ADAMTSL3: variants seen among roughly 807,000 people sequenced by gnomAD.
ADAMTSL3 encodes the protein ADAMTS like 3.
ADAMTSL3 carries 128 observed loss-of-function variants against 201.7 expected under a neutral mutation model. The observed-to-expected ratio is 0.63, with a 90% CI of 0.55 to 0.73. ADAMTSL3 has a LOEUF of 0.73. ADAMTSL3 is among the 30% of genes least tolerant of loss of function. The probability of loss-of-function intolerance (pLI) is 0.00; values close to 1 mark genes in which losing one functional copy is unlikely to be tolerated. For missense variants in ADAMTSL3, 1,990 were observed against 2,119.6 expected, an observed-to-expected ratio of 0.94 and a Z score of 1.20; for synonymous variants, 738 against 748.4, an observed-to-expected ratio of 0.99 and a Z score of 0.23.
chr15:84,027,760 C>T (rs148337327), intron 27 of ADAMTSL3, among the ~76,000 whole-genome samples: 459 of 152,048 alleles, frequency 3.0e-3, no homozygotes, highest in Non-Finnish European at 5.1e-3. Context: ...AAAACTTGTA[C>T]ATGAATATTT....
chr15:83,778,316 G>A (rs1047035637), intron 4 of ADAMTSL3, among the ~76,000 whole-genome samples: 1 of 152,086 alleles, frequency 6.6e-6, no homozygotes, highest in Non-Finnish European at 1.5e-5. Flanking sequence ...CATCCCAAGA[G>A]ACATAGCCAT....
At chr15:83,773,771 T>C in intron 4 of ADAMTSL3, 121 bp downstream of exon 4, 2 of 1,326,400 alleles carry the variant, frequency 1.5e-6, no homozygotes, top group Non-Finnish European at 2.0e-6. Flanking sequence ...AACGTTTGCT[T>C]TGTCTAAATA....
At chr15:83,836,333 T>C (rs565972124) in intron 6 of ADAMTSL3, among the ~76,000 whole-genome samples, 54 of 152,334 alleles carry the variant, frequency 3.5e-4, no homozygotes, top group African/African-American at 1.3e-3. Context: ...TTTGGAAATA[T>C]ACAGAACAAA....
intron 20 of ADAMTSL3, among the ~76,000 whole-genome samples, chr15:83,977,211 T>C (rs1395922659): frequency 6.6e-6 from 1 of 152,104 alleles, no homozygotes. Flanking sequence ...TGCCTGATGA[T>C]CTGAGGTGGA....
intron 3 of ADAMTSL3, among the ~76,000 whole-genome samples, chr15:83,746,529 A>C (rs904895550): frequency 5.9e-5 from 9 of 152,278 alleles, no homozygotes; most frequent in African/African-American, 2.2e-4. Context: ...CAAAATCACC[A>C]GCTCTTGAAT....
At chr15:83,837,989 G>A in intron 6 of ADAMTSL3, 100 bp from the exon 7 acceptor site, 4 of 1,448,680 alleles carry the variant, frequency 2.8e-6, no homozygotes, top group Non-Finnish European at 3.7e-6. Context: ...GAGCCAAACT[G>A]TAAAGTTAAG....
chr15:83,849,140 GTT>G (rs767075541), intron 7 of ADAMTSL3, among the ~76,000 whole-genome samples: 18 of 152,074 alleles, frequency 1.2e-4, no homozygotes, highest in Non-Finnish European at 2.2e-4. Flanking sequence ...CATCTTATAT[GTT>G]TTCTTTTTTA....
intron 16 of ADAMTSL3, among the ~76,000 whole-genome samples, chr15:83,913,610 C>T (rs956339269): frequency 2.0e-5 from 3 of 151,330 alleles, no homozygotes; most frequent in African/African-American, 7.3e-5. Context: ...TATTTGTTTG[C>T]CTGAGAATCT....
Position 83,970,582 on chromosome 15 carries a change from C to T in ADAMTSL3, c.2589C>T (p.Cys863=). Residue 863 remains cysteine (C), a synonymous_variant, in exon 20 of 30, where the codon TGC becomes TGT. Transcript: ENST00000286744. ...GRRIPLSEMM[C]RDLPGLPLVR... Reference sequence around the variant, plus strand: ...GCATCCCCCTCAGTGAGATGATGTGCAGGGATCTACCAGGGCTCCCTCTTG... The same window carrying T: ...GCATCCCCCTCAGTGAGATGATGTGTAGGGATCTACCAGGGCTCCCTCTTG... 1 of 1,614,202 alleles carries T rather than the reference C, an allele frequency of 6.2e-7. No homozygotes were observed. The highest frequency in any genetic ancestry group is 1.1e-5 in the South Asian group (1 of 91,084).
At chr15:83,932,779 A>G (rs1040543619) in intron 17 of ADAMTSL3, among the ~76,000 whole-genome samples, 48 of 152,230 alleles carry the variant, frequency 3.2e-4, no homozygotes, top group African/African-American at 1.1e-3. Context: ...TCCCACAAAG[A>G]CATAATGAGC....
At chr15:83,952,750 G>T (rs2066780357) in intron 19 of ADAMTSL3, among the ~76,000 whole-genome samples, 1 of 150,278 alleles carries the variant, frequency 6.7e-6, no homozygotes, top group African/African-American at 2.5e-5. Flanking sequence ...TGGTTGTAGT[G>T]AGCCAAGATC....
intron 9 of ADAMTSL3, among the ~76,000 whole-genome samples, chr15:83,875,538 A>G (rs1451255586): frequency 6.6e-6 from 1 of 152,194 alleles, no homozygotes; most frequent in African/African-American, 2.4e-5. Context: ...TAATACCAGC[A>G]CTTTGGGAGG....
intron 3 of ADAMTSL3, among the ~76,000 whole-genome samples, chr15:83,723,755 A>C (rs898236876): frequency 3.9e-5 from 6 of 152,140 alleles, no homozygotes; most frequent in Non-Finnish European, 7.4e-5. Flanking sequence ...AGCAAAAATA[A>C]CAGTGGTTAT....
rs35308485 is a variant in ADAMTSL3, at chr15:83,884,338, CTTT to C, written c.961-743_961-741del. 4.8e-4 allele frequency among the ~76,000 whole-genome samples: 55 copies of C among 114,454 alleles called. 4 individuals carry two copies. The highest frequency in any genetic ancestry group is 6.8e-4 in the Non-Finnish European group (39 of 57,336). 75.1% of individuals were successfully genotyped at this position (114,454 alleles called of 152,430 possible). On this transcript the variant is annotated intron_variant, in intron 9 of 29. Transcript: ENST00000286744. ...TGTTACCTCATTGGTGCCCTATTTC[CTTT>C]TTTTTTTTTTTTTTTTTTTGAGACA...
chr15:83,745,177 A>C (rs578026620), intron 3 of ADAMTSL3, among the ~76,000 whole-genome samples: 19 of 152,196 alleles, frequency 1.2e-4, no homozygotes, highest in African/African-American at 4.6e-4. Context: ...AGGAGTCCAC[A>C]TGGGGAGTAT....
chr15:83,902,364 G>A (rs1036566873), intron 15 of ADAMTSL3, among the ~76,000 whole-genome samples: 4 of 152,104 alleles, frequency 2.6e-5, no homozygotes, highest in African/African-American at 9.7e-5. Flanking sequence ...TCCGCCTTCC[G>A]GGTTCAAGCG....
rs1447211714 is a variant in ADAMTSL3, at chr15:83,982,674, C to T, written c.3046C>T (p.Pro1016Ser). 2.5e-6 allele frequency: 4 copies of T among 1,614,012 alleles called. No homozygotes were observed. The African/African-American group carries it at 4.0e-5, about 16-fold the overall frequency. The change falls in exon 21 of 30, where the codon CCT (proline) becomes TCT (serine). Residue 1016 changes from proline to serine, a missense_variant. Transcript: ENST00000286744. ...CCTCAGGGAGCCTATGAGGGAATAT[C>T]CTGGGATGGACCACAGCGAAGCCAA... ...PALREPMREY[P>S]GMDHSEANSL...
At chr15:84,019,926 A>T (rs1409280797) in intron 25 of ADAMTSL3, among the ~76,000 whole-genome samples, 1 of 151,510 alleles carries the variant, frequency 6.6e-6, no homozygotes, top group Non-Finnish European at 1.5e-5. Flanking sequence ...CCAAATACAC[A>T]AGAGTACATA....
chr15:83,790,241 A>C (rs1043558540), intron 4 of ADAMTSL3, among the ~76,000 whole-genome samples: 6 of 145,786 alleles, frequency 4.1e-5, no homozygotes, highest in Non-Finnish European at 6.0e-5. Flanking sequence ...TTATGGATCT[A>C]GTATGACTTT....
Sources: allele counts gnomAD v4.1 joint callset (sites outside exome capture counted in the v4.1 genomes callset), GRCh38; gene constraint gnomAD v4.1.1; transcripts MANE v1.5; gene names NCBI Gene and HGNC (gene_info 2026-07-23, HGNC 2026-07-21).